ALK: variants seen among roughly 807,000 people sequenced by gnomAD.
The protein encoded by ALK is ALK receptor tyrosine kinase.
A neutral mutation model predicts 163.1 loss-of-function variants in ALK; 74 were observed. The observed-to-expected ratio is 0.45, with a 90% CI of 0.38 to 0.55. The LOEUF is 0.55. Ranked by LOEUF, ALK falls within the 20% of genes least tolerant of loss-of-function variation. The pLI is 0.00. For synonymous variants in ALK, 960 were observed against 843.2 expected, an observed-to-expected ratio of 1.14 and a Z score of -2.40; for missense variants, 2,063 against 2,105.3, an observed-to-expected ratio of 0.98 and a Z score of 0.39.
intron 13 of ALK, among the ~76,000 whole-genome samples, chr2:29,236,540 G>A (rs1664387412): frequency 6.6e-6 from 1 of 152,182 alleles, no homozygotes; most frequent in Non-Finnish European, 1.5e-5. Context: ...TCTGACCCAT[G>A]CTCATCCCCC....
chr2:29,768,613 G>T (rs1364519966), intron 1 of ALK, among the ~76,000 whole-genome samples: 2 of 151,840 alleles, frequency 1.3e-5, no homozygotes, highest in Admixed American at 1.3e-4. Flanking sequence ...GACAAAATTT[G>T]ACCAGGTAAT....
chr2:29,369,683 T>C (rs1471867344), intron 5 of ALK, among the ~76,000 whole-genome samples: 2 of 151,976 alleles, frequency 1.3e-5, no homozygotes, highest in Admixed American at 1.3e-4. Flanking sequence ...AATGAATTAA[T>C]AGACAAGCAA....
intron 1 of ALK, among the ~76,000 whole-genome samples, chr2:29,905,536 A>C (rs1024005867): frequency 1.1e-4 from 17 of 151,320 alleles, no homozygotes; most frequent in African/African-American, 3.4e-4. Flanking sequence ...GAGGGAAGGA[A>C]GAGAAGGAGG....
At chr2:29,661,645 T>A (rs2339530) in intron 3 of ALK, among the ~76,000 whole-genome samples, 118,923 of 152,124 alleles carry the variant, frequency 0.78, 47,114 homozygotes, top group African/African-American at 0.92. Flanking sequence ...CATGGCACAC[T>A]TGAGAGATAA....
At chr2:29,210,282 AC>A (rs1240456065) in intron 24 of ALK, among the ~76,000 whole-genome samples, 6 of 152,230 alleles carry the variant, frequency 3.9e-5, no homozygotes, top group Non-Finnish European at 7.3e-5. Flanking sequence ...AAAGTAGATA[AC>A]ATAGGGCCAT....
At chr2:29,590,009 G>A (rs1675001135) in intron 3 of ALK, among the ~76,000 whole-genome samples, 1 of 152,178 alleles carries the variant, frequency 6.6e-6, no homozygotes, top group East Asian at 1.9e-4. Context: ...AAACTATTGA[G>A]CATATTAGGG....
At chr2:29,584,132 AC>A (rs2148200937) in intron 3 of ALK, among the ~76,000 whole-genome samples, 1 of 152,206 alleles carries the variant, frequency 6.6e-6, no homozygotes, top group African/African-American at 2.4e-5. Flanking sequence ...AAAAAAAATT[AC>A]CAGAACTGAG....
chr2:29,544,803 C>A (rs536292751), intron 3 of ALK, among the ~76,000 whole-genome samples: 4 of 152,082 alleles, frequency 2.6e-5, no homozygotes, highest in African/African-American at 9.7e-5. Flanking sequence ...AAAAATGCTA[C>A]ATTCCATATC....
At chr2:29,640,982 C>T (rs1453519542) in intron 3 of ALK, among the ~76,000 whole-genome samples, 1 of 152,018 alleles carries the variant, frequency 6.6e-6, no homozygotes, top group African/African-American at 2.4e-5. Flanking sequence ...TTAGAATATT[C>T]CAGAAACTGG....
At chr2:29,228,365 G>T (rs1462017861) in intron 16 of ALK, among the ~76,000 whole-genome samples, 1 of 152,194 alleles carries the variant, frequency 6.6e-6, no homozygotes, top group African/African-American at 2.4e-5. Flanking sequence ...AAGCCCAGAC[G>T]AGGCAGCTGG....
chr2:29,664,894 G>A lies in ALK; in HGVS notation c.952+29956C>T, dbSNP rs1330156504. 3.9e-5 allele frequency among the ~76,000 whole-genome samples: 6 copies of A among 152,166 alleles called. No individual in the cohort carries two copies. The South Asian group carries it at 1.2e-3, about 32-fold the overall frequency. On this transcript the variant is annotated intron_variant, in intron 3 of 28. Transcript: ENST00000389048. ...GGAGGTTCAGAACTTGTCCAAGGCT[G>A]CCCACCAGTCTATCCTCTGGCTACA... is the stretch of plus-strand genomic sequence containing the variant.
intron 3 of ALK, among the ~76,000 whole-genome samples, chr2:29,682,517 C>T (rs1046418282): frequency 2.6e-5 from 4 of 152,074 alleles, no homozygotes; most frequent in African/African-American, 9.7e-5. Context: ...TGGGTACATA[C>T]CACTATAGAA....
chr2:29,682,619 T>A (rs1220689037), intron 3 of ALK, among the ~76,000 whole-genome samples: 1 of 152,190 alleles, frequency 6.6e-6, no homozygotes, highest in Non-Finnish European at 1.5e-5. Context: ...ATAATGATAC[T>A]TTAATAATAC....
In ALK at chr2:29,193,207, T is replaced by C; in HGVS notation, c.*17A>G. ...TCTTAGGGATCCCAAGGAAGAGAAGTGAGTGTGCGACCGAGCTCAGGGCCC... is the reference window on the plus strand; with the variant it reads ...TCTTAGGGATCCCAAGGAAGAGAAGCGAGTGTGCGACCGAGCTCAGGGCCC... On this transcript the variant is annotated 3_prime_UTR_variant, in exon 29 of 29. Transcript: ENST00000389048. 6.2e-7 allele frequency: 1 copy of C among 1,612,460 alleles called. No homozygotes were observed. Among genetic ancestry groups the C allele is most frequent in the South Asian group, 1.1e-5 (1 of 90,942 alleles).
intron 4 of ALK, among the ~76,000 whole-genome samples, chr2:29,525,998 TG>T (rs1672950219): frequency 6.6e-6 from 1 of 152,094 alleles, no homozygotes; most frequent in African/African-American, 2.4e-5. Context: ...GTATACTCAA[TG>T]GGACTGGTAC....
At chr2:29,404,446 A>C (rs1007792761) in intron 4 of ALK, among the ~76,000 whole-genome samples, 2 of 152,230 alleles carry the variant, frequency 1.3e-5, no homozygotes, top group African/African-American at 4.8e-5. Flanking sequence ...AACAACAATT[A>C]ACAAGGCCAT....
At chr2:29,603,315 C>T (rs1480015389) in intron 3 of ALK, among the ~76,000 whole-genome samples, 1 of 152,126 alleles carries the variant, frequency 6.6e-6, no homozygotes, top group African/African-American at 2.4e-5. Flanking sequence ...AAATTTCCCC[C>T]ACAAGAGACA....
chr2:29,576,375 A>G (rs1674525875), intron 3 of ALK, among the ~76,000 whole-genome samples: 2 of 152,048 alleles, frequency 1.3e-5, no homozygotes, highest in South Asian at 4.1e-4. Context: ...GTTGCTCTAC[A>G]TTTTCCTTCC....
At chr2:29,373,496 G>A (rs149328849) in intron 5 of ALK, among the ~76,000 whole-genome samples, 4 of 152,168 alleles carry the variant, frequency 2.6e-5, no homozygotes, top group South Asian at 2.1e-4. Flanking sequence ...CAATGACCTC[G>A]GCACACTCAT....
Sources: allele counts gnomAD v4.1 joint callset (sites outside exome capture counted in the v4.1 genomes callset), GRCh38; gene constraint gnomAD v4.1.1; transcripts MANE v1.5; gene names NCBI Gene and HGNC (gene_info 2026-07-23, HGNC 2026-07-21).